ACER2: variants seen among roughly 807,000 people sequenced by gnomAD.
ACER2 encodes alkaline ceramidase 2, also known as alkCDase 2.
In ACER2, 26 loss-of-function variants were observed where a neutral mutation model predicts 34.7. The observed-to-expected ratio is 0.75, with a 90% CI of 0.55 to 1.04. The LOEUF (loss-of-function observed/expected upper bound fraction) is 1.04, where lower values mean the gene tolerates loss of function less well. Among genes scored for constraint, ACER2 ranks in the 50% least tolerant of loss-of-function variants. The pLI is 0.00. For synonymous variants in ACER2, 138 were observed against 132.1 expected (o/e 1.04, Z -0.31); for missense variants, 352 against 340.8 (o/e 1.03, Z -0.26).
intron 1 of ACER2, among the ~76,000 whole-genome samples, chr9:19,414,461 G>A (rs1830179087): frequency 6.6e-6 from 1 of 152,200 alleles, no homozygotes; most frequent in Admixed American, 6.5e-5. Flanking sequence ...TTCATAGAAT[G>A]AAGAACTTTC....
At chr9:19,414,679 T>G (rs761538246) in intron 1 of ACER2, among the ~76,000 whole-genome samples, 3 of 152,124 alleles carry the variant, frequency 2.0e-5, no homozygotes, top group African/African-American at 4.8e-5. Flanking sequence ...GGCACATGCC[T>G]GTGGTCCCAG....
intron 1 of ACER2, among the ~76,000 whole-genome samples, chr9:19,410,924 A>C (rs1830068954): frequency 6.6e-6 from 1 of 152,216 alleles, no homozygotes; most frequent in African/African-American, 2.4e-5. Context: ...TAAGGATTTC[A>C]CCAGAGTTCA....
intron 4 of ACER2, among the ~76,000 whole-genome samples, chr9:19,442,591 G>A (rs1415810048): frequency 1.3e-5 from 2 of 152,270 alleles, no homozygotes; most frequent in Admixed American, 6.5e-5. Flanking sequence ...CCTCCCTCTC[G>A]GTTGATGCCC....
At chr9:19,429,468 A>G (rs1589049002) in intron 3 of ACER2, among the ~76,000 whole-genome samples, 1 of 152,008 alleles carries the variant, frequency 6.6e-6, no homozygotes, top group Admixed American at 6.6e-5. Context: ...AGTGGCTGGG[A>G]CCACAGCTGC....
intron 3 of ACER2, among the ~76,000 whole-genome samples, chr9:19,429,446 C>T (rs1830683708): frequency 6.6e-6 from 1 of 152,148 alleles, no homozygotes; most frequent in Non-Finnish European, 1.5e-5. Flanking sequence ...ATCCTCCTAC[C>T]TCAGCCTTCC....
chr9:19,409,809 C>A lies in ACER2; in HGVS notation c.108+617C>A, dbSNP rs762994923. 8 of 985,206 alleles carry A rather than the reference C, an allele frequency of 8.1e-6. No homozygotes were observed. In the African/African-American group the frequency reaches 1.4e-4, roughly 17 times the overall value. The allele number at this position is 985,206 out of a possible 1,614,324, so 61.0% of individuals were successfully genotyped here. A position where few individuals can be genotyped will look rare whatever the true frequency, so the allele number is the denominator to read the frequency against. ...TGTGCAAGCCGCTAATTCAACTCCCCCAGGACTGTGCTTTCTCCAGTTCTG... is the reference window on the plus strand; with the variant it reads ...TGTGCAAGCCGCTAATTCAACTCCCACAGGACTGTGCTTTCTCCAGTTCTG... On this transcript the variant is annotated intron_variant, in intron 1 of 5. Transcript: ENST00000340967.
At chr9:19,446,554 A>T in intron 5 of ACER2, 136 bp downstream of exon 5, 1 of 1,523,450 alleles carries the variant, frequency 6.6e-7, no homozygotes, top group Non-Finnish European at 8.8e-7. Flanking sequence ...GGACGGTCAG[A>T]TGGTTCAGAA....
chr9:19,423,776 G>T, intron 1 of ACER2, 86 bp from the exon 2 acceptor site: 1 of 960,310 alleles, frequency 1.0e-6, no homozygotes. Flanking sequence ...ATCCCAGTTT[G>T]CAAGGACATA....
chr9:19,424,564 C>T, intron 2 of ACER2, 136 bp from the exon 3 acceptor site: 2 of 1,481,832 alleles, frequency 1.3e-6, no homozygotes, highest in Non-Finnish European at 1.8e-6. Context: ...GAGTTTCTTT[C>T]TTCAGTTTCT....
intron 3 of ACER2, among the ~76,000 whole-genome samples, chr9:19,426,320 C>G (rs71478248): frequency 7.1e-6 from 1 of 140,900 alleles, no homozygotes; most frequent in Non-Finnish European, 1.5e-5. Context: ...TTCTTTCTTT[C>G]TTTTTCTTTC....
chr9:19,442,449 A>C (rs78075118), intron 4 of ACER2, among the ~76,000 whole-genome samples: 2,141 of 152,374 alleles, frequency 0.014, 51 homozygotes, highest in African/African-American at 0.048. Flanking sequence ...AGCTTCTAGC[A>C]GGATCTGCTT....
chr9:19,418,298 A>T (rs1042839646), intron 1 of ACER2, among the ~76,000 whole-genome samples: 57 of 152,352 alleles, frequency 3.7e-4, no homozygotes, highest in African/African-American at 1.4e-3. Flanking sequence ...GCGATTCCTC[A>T]ACAATCTGGA....
intron 4 of ACER2, among the ~76,000 whole-genome samples, chr9:19,436,977 C>T (rs541418311): frequency 8.4e-4 from 128 of 152,334 alleles, no homozygotes; most frequent in Middle Eastern, 3.4e-3. Flanking sequence ...CTTCTCTGAT[C>T]CTGTGTAATA....
intron 1 of ACER2, among the ~76,000 whole-genome samples, chr9:19,411,408 A>G (rs758876900): frequency 2.0e-5 from 3 of 152,140 alleles, no homozygotes; most frequent in Middle Eastern, 3.2e-3. Flanking sequence ...TTTTTTTTTG[A>G]GATGATCATG....
intron 1 of ACER2, among the ~76,000 whole-genome samples, chr9:19,416,813 G>T (rs770538023): frequency 4.6e-5 from 7 of 152,024 alleles, no homozygotes; most frequent in African/African-American, 1.7e-4. Context: ...GATTACAGGC[G>T]TGAGCCACCC....
intron 4 of ACER2, among the ~76,000 whole-genome samples, chr9:19,442,120 A>G (rs1589063946): frequency 6.6e-6 from 1 of 152,206 alleles, no homozygotes; most frequent in Admixed American, 6.5e-5. Flanking sequence ...TTGGGTCATG[A>G]CCTGACACTG....
At chr9:19,441,719 C>T (rs1381456434) in intron 4 of ACER2, among the ~76,000 whole-genome samples, 2 of 152,190 alleles carry the variant, frequency 1.3e-5, no homozygotes, top group Non-Finnish European at 2.9e-5. Context: ...TGAACATCGA[C>T]TTCACATAGG....
At chr9:19,443,578 G>A (rs1470041266) in intron 4 of ACER2, among the ~76,000 whole-genome samples, 1 of 152,236 alleles carries the variant, frequency 6.6e-6, no homozygotes, top group Non-Finnish European at 1.5e-5. Flanking sequence ...AACAGTGCCT[G>A]GCACAGTTGC....
chr9:19,447,623 A>G (rs1831412206), intron 5 of ACER2, among the ~76,000 whole-genome samples: 1 of 152,222 alleles, frequency 6.6e-6, no homozygotes, highest in South Asian at 2.1e-4. Context: ...AGAAATGTAT[A>G]CACTAGGTAA....
Sources: allele counts gnomAD v4.1 joint callset (sites outside exome capture counted in the v4.1 genomes callset), GRCh38; gene constraint gnomAD v4.1.1; transcripts MANE v1.5; gene names NCBI Gene and HGNC (gene_info 2026-07-23, HGNC 2026-07-21).